SGSM1: variants seen among roughly 807,000 people sequenced by gnomAD.
The protein encoded by SGSM1 is RUN and TBC1 domain containing 2.
A neutral mutation model predicts 133.8 loss-of-function variants in SGSM1; 73 were observed. The ratio of observed to expected loss-of-function variants is 0.55; its 90% confidence interval spans 0.45 to 0.66. The LOEUF (loss-of-function observed/expected upper bound fraction) is 0.66. SGSM1 is among the 30% of genes least tolerant of loss of function. The pLI is 0.00. For synonymous variants in SGSM1, 563 were observed against 573.0 expected (o/e 0.98, Z 0.25); for missense variants, 1,213 against 1,448.1 (o/e 0.84, Z 2.64).
At chr22:24,882,539 A>G (rs1480061526) in intron 14 of SGSM1, among the ~76,000 whole-genome samples, 1 of 152,170 alleles carries the variant, frequency 6.6e-6, no homozygotes, top group African/African-American at 2.4e-5. Flanking sequence ...TTCTTCTATA[A>G]TAGCTATTTT....
rs535257391 is a variant in SGSM1, at chr22:24,868,291, C to T, written c.995-85C>T. On this transcript the variant is annotated intron_variant, in intron 10 of 24. Coordinates refer to ENST00000400358, the MANE Select transcript of SGSM1 (RefSeq NM_001098497.3). Reference sequence around the variant, plus strand: ...GATCCCTGGGTCTGGCTTGGCACCCCTGGGGGATGTGCTTGCAGGAAGGGG... The same window carrying T: ...GATCCCTGGGTCTGGCTTGGCACCCTTGGGGGATGTGCTTGCAGGAAGGGG... The T allele has an allele frequency of 3.9e-6, 6 of 1,532,754 alleles. No homozygotes were observed. In the East Asian group the frequency reaches 1.4e-4, roughly 35 times the overall value. The allele number at this position is 1,532,754 out of a possible 1,614,324, so 94.9% of individuals were successfully genotyped here.
Position 24,868,811 on chromosome 22 carries a change from A to G in SGSM1, c.1247A>G (p.Asp416Gly), listed in dbSNP as rs1931607590. 6.2e-7 allele frequency: 1 copy of G among 1,613,862 alleles called. No individual in the cohort carries two copies. The highest frequency in any genetic ancestry group is 1.7e-5 in the Admixed American group (1 of 60,012). ...GACAAAGATGATGATGAGGCCACGG[A>G]TTATGTGTTCAGGATCATCTACCCT... ...SSDKDDDEAT[D>G]YVFRIIYPGM... Residue 416 changes from aspartate to glycine, a missense_variant, in exon 12 of 25, where the codon GAT (aspartate) becomes GGT (glycine). Asp to Gly is a moderately conservative substitution (Grantham distance 94, BLOSUM62 -1). Coordinates refer to ENST00000400358, the MANE Select transcript of SGSM1 (RefSeq NM_001098497.3).
At chr22:24,879,766 G>A (rs1223610683) in intron 14 of SGSM1, among the ~76,000 whole-genome samples, 6 of 152,130 alleles carry the variant, frequency 3.9e-5, no homozygotes, top group Non-Finnish European at 7.4e-5. Flanking sequence ...GGTCCCCTGG[G>A]GACAGAGATT....
In SGSM1 at chr22:24,898,359, A is replaced by G. The variant is rs1201333529; in HGVS notation, c.2410A>G (p.Met804Val). The change falls in exon 19 of 25, where the codon ATG (methionine) becomes GTG (valine). Residue 804 changes from methionine to valine, a missense_variant. By Grantham distance (21) the Met-to-Val change is conservative (BLOSUM62 1). Transcript: ENST00000400358. ...CATGTCCATCACGGGCAGCCTGGAC[A>G]TGGCCCTGCCTGAAAAGGACGATGT... ...EFMSITGSLDMALPEKDDVVM... is the reference protein window; with the variant it reads ...EFMSITGSLDVALPEKDDVVM... 3 of 1,613,904 alleles carry G rather than the reference A, an allele frequency of 1.9e-6. No individual in the cohort carries two copies. The highest frequency in any genetic ancestry group is 2.5e-6 in the Non-Finnish European group (3 of 1,179,868).
intron 19 of SGSM1, among the ~76,000 whole-genome samples, chr22:24,898,823 C>A (rs951741001): frequency 1.8e-4 from 27 of 151,846 alleles, no homozygotes; most frequent in Non-Finnish European, 1.0e-4. Flanking sequence ...GTCAGAAGAT[C>A]GAGACCATCC....
chr22:24,909,077 G>GT (rs1933522351), intron 21 of SGSM1, among the ~76,000 whole-genome samples: 2 of 152,114 alleles, frequency 1.3e-5, no homozygotes, highest in Non-Finnish European at 2.9e-5. Context: ...TCATAGGAGC[G>GT]TGAACCCTAT....
intron 8 of SGSM1, among the ~76,000 whole-genome samples, chr22:24,856,357 T>G (rs1402464718): frequency 2.0e-5 from 3 of 150,014 alleles, no homozygotes; most frequent in Non-Finnish European, 4.4e-5. Flanking sequence ...ATGGTAATAC[T>G]GAGGGCTGTA....
intron 21 of SGSM1, among the ~76,000 whole-genome samples, chr22:24,906,700 A>G (rs1290594302): frequency 1.3e-5 from 2 of 152,222 alleles, no homozygotes; most frequent in Non-Finnish European, 2.9e-5. Flanking sequence ...CGGGAGGCCA[A>G]GGCGGGTGGA....
At chr22:24,832,143 G>C (rs994995309) in intron 2 of SGSM1, among the ~76,000 whole-genome samples, 1 of 152,238 alleles carries the variant, frequency 6.6e-6, no homozygotes, top group Non-Finnish European at 1.5e-5. Flanking sequence ...CTGATCCCTA[G>C]ATCTGGGTCA....
intron 14 of SGSM1, among the ~76,000 whole-genome samples, chr22:24,880,227 T>G (rs1264750299): frequency 6.6e-6 from 1 of 151,948 alleles, no homozygotes; most frequent in Non-Finnish European, 1.5e-5. Flanking sequence ...CTCCACCTCC[T>G]GGGTTCACGC....
At chr22:24,835,654 A>G (rs1381548642) in intron 2 of SGSM1, among the ~76,000 whole-genome samples, 1 of 152,114 alleles carries the variant, frequency 6.6e-6, no homozygotes, top group Non-Finnish European at 1.5e-5. Context: ...GGAAAAGAGC[A>G]TTCCAGGCAA....
At position 24,923,060 on chromosome 22, in the gene SGSM1, C is replaced by T. The variant is rs1462225853; in HGVS notation, c.3194-1126C>T. 3.9e-5 allele frequency among the ~76,000 whole-genome samples: 6 copies of T among 152,224 alleles called. 1 individual carries two copies. The highest frequency in any genetic ancestry group is 4.4e-5 in the Non-Finnish European group (3 of 68,018). On this transcript the variant is annotated intron_variant, in intron 24 of 24. Coordinates refer to ENST00000400358, the MANE Select transcript of SGSM1 (RefSeq NM_001098497.3). ...AGAGGAGGCATGAGAATCACTTGAG[C>T]TTGGGAGGTGGAGGTTATAGTGAGT...
chr22:24,866,939 G>A (rs911660018), intron 9 of SGSM1, among the ~76,000 whole-genome samples, 154 bp from the exon 10 acceptor site: 4 of 152,190 alleles, frequency 2.6e-5, no homozygotes, highest in Admixed American at 1.3e-4. Context: ...ACCAGAAAAA[G>A]GGGAGATAGA....
At chr22:24,901,030 T>C (rs1158887199) in intron 19 of SGSM1, 1 of 152,352 alleles carries the variant, frequency 6.6e-6, no homozygotes, top group East Asian at 1.9e-4. Context: ...GAGTTTGGGT[T>C]ATAAACCGCA....
At chr22:24,845,153 A>G (rs540821112) in intron 3 of SGSM1, among the ~76,000 whole-genome samples, 181 bp downstream of exon 3, 15 of 152,014 alleles carry the variant, frequency 9.9e-5, no homozygotes, top group South Asian at 2.1e-4. Context: ...TGACTTCTGT[A>G]CCCCATGAAG....
At chr22:24,841,424 A>G (rs2147827942) in intron 2 of SGSM1, among the ~76,000 whole-genome samples, 1 of 152,366 alleles carries the variant, frequency 6.6e-6, no homozygotes, top group South Asian at 2.1e-4. Context: ...AAAAGTGGGC[A>G]TCCTGCCATC....
Position 24,888,343 on chromosome 22 carries a change from T to C in SGSM1, c.1770+1615T>C, listed in dbSNP as rs548929585. Reference sequence around the variant, plus strand: ...AGTTTACATTTGAGGTAAAATCTTTTGAGTTTTTTTTTCTTATATACAGTG... The same window carrying C: ...AGTTTACATTTGAGGTAAAATCTTTCGAGTTTTTTTTTCTTATATACAGTG... On this transcript the variant is annotated intron_variant, in intron 16 of 24. Transcript: ENST00000400358. Among the ~76,000 whole-genome samples the C allele has an allele frequency of 3.3e-5, 5 of 152,306 alleles. No homozygotes were observed. The South Asian group carries it at 1.0e-3, about 32-fold the overall frequency.
intron 16 of SGSM1, among the ~76,000 whole-genome samples, chr22:24,888,206 G>C (rs1932720766): frequency 6.6e-6 from 1 of 152,080 alleles, no homozygotes; most frequent in Non-Finnish European, 1.5e-5. Flanking sequence ...ATGAAACTCA[G>C]TTTATCAATT....
intron 2 of SGSM1, among the ~76,000 whole-genome samples, chr22:24,816,553 A>C (rs1424558171): frequency 6.6e-6 from 1 of 151,752 alleles, no homozygotes; most frequent in East Asian, 1.9e-4. Context: ...GTAGCTGGGA[A>C]TACAGGCATG....
Sources: allele counts gnomAD v4.1 joint callset (sites outside exome capture counted in the v4.1 genomes callset), GRCh38; gene constraint gnomAD v4.1.1; transcripts MANE v1.5; gene names NCBI Gene and HGNC (gene_info 2026-07-23, HGNC 2026-07-21).